The following RP1 variants were observed in gnomAD, a reference collection of about 807,000 sequenced individuals.
The protein encoded by RP1 is RP1 axonemal microtubule associated, also known as oxygen-regulated protein 1.
RP1 carries 16 observed loss-of-function variants against 14.8 expected under a neutral mutation model. The ratio of observed to expected loss-of-function variants is 1.08; its 90% CI spans 0.73 to 1.65. RP1 has a LOEUF of 1.65. Among genes scored for constraint, RP1 ranks in the 40% most tolerant of loss-of-function variants. The probability of loss-of-function intolerance (pLI) is 0.00; values close to 1 mark genes in which losing one functional copy is unlikely to be tolerated. For synonymous variants in RP1, 876 were observed against 883.6 expected (o/e 0.99, Z 0.15); for missense variants, 2,631 against 2,535.0 (o/e 1.04, Z -0.81).
chr8:54,705,529 T>C (rs1443398655), intron 14 of RP1, among the ~76,000 whole-genome samples: 2 of 152,158 alleles, frequency 1.3e-5, no homozygotes, highest in African/African-American at 2.4e-5. Flanking sequence ...CTTAACACTT[T>C]CTGACTCAAA....
chr8:54,714,487 T>C (rs1808357413), intron 15 of RP1, among the ~76,000 whole-genome samples: 1 of 152,084 alleles, frequency 6.6e-6, no homozygotes, highest in Non-Finnish European at 1.5e-5. Context: ...CCCACACTAG[T>C]AAACTGGCTC....
At chr8:54,824,923 C>A (rs749985967) in intron 24 of RP1, among the ~76,000 whole-genome samples, 1 of 151,950 alleles carries the variant, frequency 6.6e-6, no homozygotes, top group Non-Finnish European at 1.5e-5. Context: ...CAAAGAGCAT[C>A]TACAAATACT....
chr8:54,758,792 A>G, intron 21 of RP1: 2 of 886,816 alleles, frequency 2.3e-6, no homozygotes, highest in South Asian at 2.0e-5. Context: ...TTTGATGCTA[A>G]CTACAGTAAC....
At chr8:54,829,634 C>T (rs893301726) in intron 24 of RP1, among the ~76,000 whole-genome samples, 1 of 150,982 alleles carries the variant, frequency 6.6e-6, no homozygotes, top group African/African-American at 2.4e-5. Flanking sequence ...TATTTGACAC[C>T]ATTTTACCTC....
At chr8:54,749,752 A>G (rs986136937) in intron 19 of RP1, among the ~76,000 whole-genome samples, 2 of 152,116 alleles carry the variant, frequency 1.3e-5, no homozygotes, top group Admixed American at 1.3e-4. Context: ...TTACACAGTG[A>G]TCTAGGGACC....
rs183693412 is a variant in RP1 at position 54,775,406 on chromosome 8, G to A, written c.3451+5239G>A. Among the ~76,000 whole-genome samples, 55 of 152,290 alleles carry A rather than the reference G, an allele frequency of 3.6e-4. 1 individual carries two copies. The highest frequency in any genetic ancestry group is 2.5e-3 in the South Asian group (12 of 4,820). On this transcript the variant is annotated intron_variant, in intron 23 of 28. Coordinates refer to the RP1 transcript ENST00000637698. ...GGTCATAAAAGATGATACCACTTCT[G>A]CCTGGCTCGCTTTCTGGGAATGTTA...
At chr8:54,603,355 C>A (rs1027124645) in intron 1 of RP1, among the ~76,000 whole-genome samples, 1 of 151,960 alleles carries the variant, frequency 6.6e-6, no homozygotes, top group South Asian at 2.1e-4. Flanking sequence ...TGTAGATATG[C>A]GGCATTATTT....
chr8:54,777,360 A>G (rs753444065), intron 23 of RP1, among the ~76,000 whole-genome samples: 2 of 152,210 alleles, frequency 1.3e-5, no homozygotes, highest in Non-Finnish European at 2.9e-5. Context: ...GGTGGTAAAT[A>G]ATCACAGGAA....
chr8:54,560,595 T>C (rs1412800659), intron 1 of RP1: 2 of 151,996 alleles, frequency 1.3e-5, no homozygotes, highest in African/African-American at 4.8e-5. Context: ...CCCTAAGGTT[T>C]CTGCGAGGGA....
At position 54,854,662 on chromosome 8, in the gene RP1, C is replaced by T. The variant is rs542084505; in HGVS notation, c.3990+1934C>T. 1.1e-4 allele frequency among the ~76,000 whole-genome samples: 16 copies of T among 152,108 alleles called. 1 individual carries two copies. Among genetic ancestry groups the T allele is most frequent in the South Asian group, 1.0e-3 (5 of 4,818 alleles). Reference sequence around the variant, plus strand: ...GGTGGATCATTTGAGGTCAGGAGTTCGAGACCAGCCTGGCCAACATGGTGA... The same window carrying T: ...GGTGGATCATTTGAGGTCAGGAGTTTGAGACCAGCCTGGCCAACATGGTGA... On this transcript the variant is annotated intron_variant, in intron 26 of 28. Transcript: ENST00000637698.
chr8:54,668,444 T>C (rs1807067622), intron 7 of RP1, among the ~76,000 whole-genome samples: 1 of 152,054 alleles, frequency 6.6e-6, no homozygotes, highest in Non-Finnish European at 1.5e-5. Context: ...AAAATGGCCA[T>C]ACTGCCCAAG....
chr8:54,774,734 G>A (rs888751702), downstream of RP1, among the ~76,000 whole-genome samples: 1 of 152,094 alleles, frequency 6.6e-6, no homozygotes, highest in Non-Finnish European at 1.5e-5. Context: ...GCAGTGGAAC[G>A]GAATGGATTT....
intron 23 of RP1, among the ~76,000 whole-genome samples, chr8:54,775,910 G>C (rs1423440351): frequency 6.6e-6 from 1 of 152,128 alleles, no homozygotes; most frequent in Non-Finnish European, 1.5e-5. Context: ...GATTGCTTAG[G>C]ATGTTGGGAC....
At position 54,741,705 on chromosome 8, in the gene RP1, GTGTA is replaced by G. The variant is rs1331442891; in HGVS notation, c.2808+2678_2808+2681del. On this transcript the variant is annotated intron_variant, in intron 19 of 22. Coordinates refer to the RP1 transcript ENST00000636932. ...TATGTACATATAAATACAAATGTGT[GTGTA>G]TATATATATATATATATATATATAT... Among the ~76,000 whole-genome samples the G allele has an allele frequency of 5.8e-3, 437 of 75,840 alleles. 2 individuals carry two copies. Among genetic ancestry groups the G allele is most frequent in the African/African-American group, 0.022 (377 of 16,890 alleles). 49.8% of individuals were successfully genotyped at this position (75,840 alleles called of 152,430 possible).
At position 54,629,658 on chromosome 8, in the gene RP1, C is replaced by T; in HGVS notation, c.5776C>T (p.Gln1926Ter). The stretch of plus-strand genomic sequence containing the variant: ...TTGCCCAATACTAACTGTTATTATC[C>T]AACCCATGAATGAGGAAGACCGAGG... Reference protein sequence around the residue: ...QHCPILTVIIQPMNEEDRGFA... With the variant: ...QHCPILTVII The change falls in exon 4 of 4, where the codon CAA becomes TAA. Residue 1926 changes from glutamine (Q) to a stop codon, truncating the protein, a stop_gained. Coordinates refer to ENST00000220676, the MANE Select transcript of RP1 (RefSeq NM_006269.2). LOFTEE classifies it low-confidence loss of function (END_TRUNC). 6.2e-7 allele frequency: 1 copy of T among 1,613,912 alleles called. No homozygotes were observed. The highest frequency in any genetic ancestry group is 8.5e-7 in the Non-Finnish European group (1 of 1,179,978).
At chr8:54,718,142 T>G (rs564455589) in intron 15 of RP1, among the ~76,000 whole-genome samples, 1 of 152,310 alleles carries the variant, frequency 6.6e-6, no homozygotes, top group Non-Finnish European at 1.5e-5. Context: ...TTGTCAGTTC[T>G]TACCAACTTT....
At chr8:54,843,722 G>A (rs1811845688) in intron 25 of RP1, among the ~76,000 whole-genome samples, 1 of 152,154 alleles carries the variant, frequency 6.6e-6, no homozygotes, top group Non-Finnish European at 1.5e-5. Flanking sequence ...TCTGACTGCA[G>A]AGCTCCAGGG....
chr8:54,677,787 A>G (rs1220314819), intron 8 of RP1, among the ~76,000 whole-genome samples: 1 of 152,170 alleles, frequency 6.6e-6, no homozygotes, highest in Non-Finnish European at 1.5e-5. Context: ...GCTGATGAGT[A>G]TTAACTCACC....
intron 24 of RP1, among the ~76,000 whole-genome samples, chr8:54,802,153 C>T (rs1035552585): frequency 1.3e-4 from 20 of 152,120 alleles, no homozygotes; most frequent in Non-Finnish European, 2.8e-4. Flanking sequence ...TCTCCATTTT[C>T]TCTGAGAAGA....
Sources: gnomAD v4.1 joint callset for allele counts (sites outside exome capture counted in the v4.1 genomes callset) on GRCh38, gnomAD v4.1.1 for gene constraint, MANE v1.5 for transcripts, NCBI Gene and HGNC (gene_info 2026-07-23, HGNC 2026-07-21) for gene names.